The following ATP2A2 variants were observed in gnomAD, a reference collection of about 807,000 sequenced individuals.
ATP2A2 encodes sarcoplasmic/endoplasmic reticulum calcium ATPase 2.
Under a neutral mutation model 109.3 loss-of-function variants are expected in ATP2A2, and 14 were observed. That is an observed-to-expected ratio of 0.13 (90% CI 0.08 to 0.20). The LOEUF (loss-of-function observed/expected upper bound fraction) is 0.20, where lower values mean the gene tolerates loss of function less well. ATP2A2 is among the 10% of genes least tolerant of loss of function. The pLI, the probability that ATP2A2 is intolerant of heterozygous loss-of-function variation, is 1.00. For synonymous variants in ATP2A2, 506 were observed against 490.9 expected (o/e 1.03, Z -0.41); for missense variants, 657 against 1,321.6 (o/e 0.50, Z 7.80).
chr12:110,292,252 T>C, intron 4 of ATP2A2, 128 bp downstream of exon 4: 1 of 756,034 alleles, frequency 1.3e-6, no homozygotes, highest in South Asian at 1.5e-5. Flanking sequence ...AGTTTACATG[T>C]ATTTTCCCTT....
rs1042233424 is a variant in ATP2A2 at position 110,348,020 on chromosome 12, A to G, written c.*1550A>G. On this transcript the variant is annotated 3_prime_UTR_variant, in exon 20 of 20. Transcript: ENST00000539276. ...TAGACCTCCACAGGCTGCCTAGGAC[A>G]AGATGACCAGGAGGGCCCAAGCCAG... 2 of 987,226 alleles carry G rather than the reference A, an allele frequency of 2.0e-6. No individual in the cohort carries two copies. Among genetic ancestry groups the G allele is most frequent in the Non-Finnish European group, 2.4e-6 (2 of 831,248 alleles). 61.2% of individuals were successfully genotyped at this position (987,226 alleles called of 1,614,324 possible).
intron 5 of ATP2A2, among the ~76,000 whole-genome samples, chr12:110,322,331 T>A (rs1361696321): frequency 6.6e-6 from 1 of 152,162 alleles, no homozygotes; most frequent in Non-Finnish European, 1.5e-5. Context: ...TTTTACTTTT[T>A]GAGATGGAGA....
At chr12:110,326,647 T>A (rs1877833279) in intron 7 of ATP2A2, among the ~76,000 whole-genome samples, 172 bp downstream of exon 7, 1 of 152,238 alleles carries the variant, frequency 6.6e-6, no homozygotes, top group East Asian at 1.9e-4. Context: ...GACTTAGATG[T>A]CTTTTAATTG....
chr12:110,349,806 A>G lies in ATP2A2; in HGVS notation c.*3336A>G. 9.8e-7 allele frequency: 1 copy of G among 1,024,502 alleles called. No individual in the cohort carries two copies. Among genetic ancestry groups the G allele is most frequent in the African/African-American group, 1.7e-5 (1 of 58,774 alleles). The allele number at this position is 1,024,502 out of a possible 1,614,324, so 63.5% of individuals were successfully genotyped here. The stretch of plus-strand genomic sequence containing the variant: ...GCAGTTAGCAAGAAGGGTAGGCTTC[A>G]CCCTCCTTTACTGAGGAGAATGATG... On this transcript the variant is annotated 3_prime_UTR_variant, in exon 20 of 20. Transcript: ENST00000539276.
At chr12:110,335,242 G>A (rs566525346) in intron 11 of ATP2A2, among the ~76,000 whole-genome samples, 10 of 152,130 alleles carry the variant, frequency 6.6e-5, no homozygotes, top group Non-Finnish European at 1.0e-4. Context: ...TCACAAGCCC[G>A]GGGAGCCTAG....
At chr12:110,293,382 T>TG (rs1367255221) in intron 4 of ATP2A2, among the ~76,000 whole-genome samples, 445 of 122,906 alleles carry the variant, frequency 3.6e-3, no homozygotes, top group Admixed American at 5.6e-3. Context: ...TTTTTTTTTT[T>TG]TTTTTTGTTT....
In ATP2A2 at chr12:110,349,759, C is replaced by T. The variant is rs759675393; in HGVS notation, c.*3289C>T. On this transcript the variant is annotated 3_prime_UTR_variant, in exon 20 of 20. Coordinates refer to ENST00000539276, the MANE Select transcript of ATP2A2 (RefSeq NM_170665.4). ...AGCAGTTGCCCTGTGACTGTAACCA[C>T]CAAATTGTCCAAACACCCGCTGCAG... The T allele has an allele frequency of 2.0e-6, 2 of 1,015,436 alleles. No individual in the cohort carries two copies. Among genetic ancestry groups the T allele is most frequent in the East Asian group, 1.7e-4 (2 of 11,430 alleles). The allele number at this position is 1,015,436 out of a possible 1,614,324, so 62.9% of individuals were successfully genotyped here.
In ATP2A2 at chr12:110,281,712, G is replaced by A. The variant is rs1872104328; in HGVS notation, c.-78G>A. Reference sequence around the variant, plus strand: ...CGCGCCTGGGCTCCCGGGGTGGCACGAGCCCGCGGCCGGAGTGCGAGGCGG... The same window carrying A: ...CGCGCCTGGGCTCCCGGGGTGGCACAAGCCCGCGGCCGGAGTGCGAGGCGG... On this transcript the variant is annotated 5_prime_UTR_variant, in exon 1 of 20. Coordinates refer to ENST00000539276, the MANE Select transcript of ATP2A2 (RefSeq NM_170665.4). 5 of 1,064,026 alleles carry A rather than the reference G, an allele frequency of 4.7e-6. No homozygotes were observed. In the Admixed American group the frequency reaches 1.2e-4, roughly 25 times the overall value. The allele number at this position is 1,064,026 out of a possible 1,614,324, so 65.9% of individuals were successfully genotyped here.
chr12:110,333,133 A>G (rs1205022376), intron 9 of ATP2A2, 48 bp from the exon 10 acceptor site: 21 of 1,495,730 alleles, frequency 1.4e-5, no homozygotes, highest in Non-Finnish European at 1.9e-5. Context: ...GGGAGGAATC[A>G]ATAGTGGCGA....
At chr12:110,335,265 A>G (rs1407050280) in intron 11 of ATP2A2, among the ~76,000 whole-genome samples, 1 of 152,092 alleles carries the variant, frequency 6.6e-6, no homozygotes, top group Admixed American at 6.5e-5. Context: ...CTCAGTAGAA[A>G]CACTTTGCAA....
chr12:110,339,157 C>T lies in ATP2A2; in HGVS notation c.1420-124C>T, dbSNP rs2137850466. 1 of 1,375,726 alleles carries T rather than the reference C, an allele frequency of 7.3e-7. No individual in the cohort carries two copies. Among genetic ancestry groups the T allele is most frequent in the Non-Finnish European group, 1.0e-6 (1 of 981,198 alleles). 85.2% of individuals were successfully genotyped at this position (1,375,726 alleles called of 1,614,324 possible). A position where few individuals can be genotyped will look rare whatever the true frequency, so the allele number is the denominator to read the frequency against. ...GGGACAAGTTTCATGAGGGCAAAAA[C>T]CTGTCTGTTTTGTTTATTGCTATAT... On this transcript the variant is annotated intron_variant, in intron 11 of 19. Coordinates refer to ENST00000539276, the MANE Select transcript of ATP2A2 (RefSeq NM_170665.4). This position sits in a 1 kb window ranked among gnomAD's most constrained non-coding sequence, Gnocchi z 4.4.
intron 5 of ATP2A2, among the ~76,000 whole-genome samples, chr12:110,301,478 A>G (rs778183193): frequency 2.6e-5 from 4 of 151,944 alleles, no homozygotes; most frequent in Admixed American, 2.0e-4. Flanking sequence ...CCCCCCTCTT[A>G]TCCTCTGATT....
chr12:110,328,245 A>G (rs1411853866), intron 8 of ATP2A2, among the ~76,000 whole-genome samples: 1 of 152,048 alleles, frequency 6.6e-6, no homozygotes, highest in Non-Finnish European at 1.5e-5. Flanking sequence ...TAGATGTAAG[A>G]GAATTAGAGA....
chr12:110,325,370 A>G (rs1403302038), intron 6 of ATP2A2, among the ~76,000 whole-genome samples: 14 of 152,136 alleles, frequency 9.2e-5, no homozygotes, highest in Non-Finnish European at 1.8e-4. Context: ...ATGGTGTCTC[A>G]TGCCTGTAAT....
intron 4 of ATP2A2, among the ~76,000 whole-genome samples, chr12:110,293,676 G>A (rs1186253683): frequency 1.3e-5 from 2 of 151,686 alleles, no homozygotes; most frequent in Non-Finnish European, 2.9e-5. Flanking sequence ...GATTACATGC[G>A]TGAGCCACCA....
At chr12:110,296,981 T>A (rs1350359683) in intron 5 of ATP2A2, among the ~76,000 whole-genome samples, 1 of 152,196 alleles carries the variant, frequency 6.6e-6, no homozygotes, top group African/African-American at 2.4e-5. Flanking sequence ...TCTACTTGTT[T>A]AAATACATTG....
At position 110,347,137 on chromosome 12, in the gene ATP2A2, T is replaced by C; in HGVS notation, c.*667T>C. ...AACGAGAGGTATGCCTGTACTCGCT[T>C]GTGCAGAAAACATTGTTCCAGATTC... On this transcript the variant is annotated 3_prime_UTR_variant, in exon 20 of 20. Transcript: ENST00000539276. 1 of 1,181,776 alleles carries C rather than the reference T, an allele frequency of 8.5e-7. No individual in the cohort carries two copies. Among genetic ancestry groups the C allele is most frequent in the Non-Finnish European group, 1.1e-6 (1 of 939,386 alleles). 73.2% of individuals were successfully genotyped at this position (1,181,776 alleles called of 1,614,324 possible).
At chr12:110,296,880 T>G in intron 5 of ATP2A2, 143 bp downstream of exon 5, 1 of 1,012,456 alleles carries the variant, frequency 9.9e-7, no homozygotes, top group Non-Finnish European at 1.4e-6. Flanking sequence ...AAATCCTACA[T>G]TCTCTAAAAT....
At chr12:110,310,660 A>G (rs1429099305) in intron 5 of ATP2A2, among the ~76,000 whole-genome samples, 2 of 152,348 alleles carry the variant, frequency 1.3e-5, no homozygotes, top group South Asian at 4.1e-4. Flanking sequence ...ACACAATCTT[A>G]AAATTGCATT....
Sources: allele counts gnomAD v4.1 joint callset (sites outside exome capture counted in the v4.1 genomes callset), GRCh38; gene constraint gnomAD v4.1.1; non-coding constraint Gnocchi (gnomAD v3.1); transcripts MANE v1.5; gene names NCBI Gene and HGNC (gene_info 2026-07-23, HGNC 2026-07-21).